The following DPP10 variants were observed in gnomAD, a reference collection of about 807,000 sequenced individuals.
The protein encoded by DPP10 is dipeptidyl peptidase like 10.
In DPP10, 33 loss-of-function variants were observed where a neutral mutation model predicts 120.9. The observed-to-expected ratio is 0.27, with a 90% CI of 0.21 to 0.37. The LOEUF is 0.37. DPP10 is among the 10% of genes least tolerant of loss of function. The probability of loss-of-function intolerance (pLI) is 1.00; values close to 1 mark genes in which losing one functional copy is unlikely to be tolerated. For missense variants in DPP10, 816 were observed against 942.8 expected (o/e 0.87, Z 1.76); for synonymous variants, 337 against 326.1 (o/e 1.03, Z -0.36).
chr2:114,964,313 A>G (rs974755007), intron 1 of DPP10, among the ~76,000 whole-genome samples: 1 of 152,148 alleles, frequency 6.6e-6, no homozygotes, highest in Non-Finnish European at 1.5e-5. Flanking sequence ...CAGACATTCA[A>G]TGCCCTAAGT....
At chr2:114,679,570 G>A (rs1298590168) in intron 1 of DPP10, among the ~76,000 whole-genome samples, 3 of 151,934 alleles carry the variant, frequency 2.0e-5, no homozygotes, top group Non-Finnish European at 2.9e-5. Flanking sequence ...AAAACCTGAT[G>A]TGGAAGAATA....
At chr2:115,149,698 G>A (rs1427832544) in intron 1 of DPP10, among the ~76,000 whole-genome samples, 1 of 152,032 alleles carries the variant, frequency 6.6e-6, no homozygotes, top group African/African-American at 2.4e-5. Context: ...TTGTCTGTTT[G>A]TTTGTTTGTT....
chr2:115,760,298 A>G (rs879547249), intron 11 of DPP10, among the ~76,000 whole-genome samples: 2 of 152,214 alleles, frequency 1.3e-5, no homozygotes, highest in African/African-American at 2.4e-5. Flanking sequence ...AGTGGTGTGG[A>G]AGAAACCTCA....
chr2:115,759,445 A>T (rs572588393), intron 11 of DPP10, among the ~76,000 whole-genome samples: 6 of 151,918 alleles, frequency 3.9e-5, no homozygotes, highest in Non-Finnish European at 8.8e-5. Flanking sequence ...TTAGCAAAAT[A>T]TAGATTAAAA....
chr2:115,002,381 T>G (rs1701501963), intron 1 of DPP10, among the ~76,000 whole-genome samples: 1 of 152,054 alleles, frequency 6.6e-6, no homozygotes, highest in African/African-American at 2.4e-5. Flanking sequence ...TCAAAATAAA[T>G]TAAAACTTAA....
intron 1 of DPP10, among the ~76,000 whole-genome samples, chr2:115,011,942 CACG>C (rs1464613732): frequency 6.6e-6 from 1 of 151,986 alleles, no homozygotes; most frequent in Non-Finnish European, 1.5e-5. Flanking sequence ...GCTGTGGGGT[CACG>C]GTGGGAGTGA....
At chr2:115,117,619 A>G (rs545735920) in intron 1 of DPP10, among the ~76,000 whole-genome samples, 1 of 152,314 alleles carries the variant, frequency 6.6e-6, no homozygotes, top group East Asian at 1.9e-4. Flanking sequence ...AAAAAGAAAA[A>G]TCAAAGTGTC....
chr2:114,908,292 C>T (rs1402075586), intron 1 of DPP10, among the ~76,000 whole-genome samples: 3 of 151,784 alleles, frequency 2.0e-5, no homozygotes, highest in Non-Finnish European at 4.4e-5. Flanking sequence ...TTATTCAATC[C>T]ATTCACATTT....
At chr2:115,648,495 C>T (rs1052916400) in intron 5 of DPP10, among the ~76,000 whole-genome samples, 5 of 151,450 alleles carry the variant, frequency 3.3e-5, no homozygotes, top group African/African-American at 7.3e-5. Context: ...AAAATGAATA[C>T]GTATTTCAAA....
rs532406250 is a variant in DPP10 at position 114,551,142 on chromosome 2, T to C, written c.60+108304T>C. Among the ~76,000 whole-genome samples the C allele has an allele frequency of 2.6e-4, 39 of 152,310 alleles. 1 individual carries two copies. Among genetic ancestry groups the C allele is most frequent in the African/African-American group, 8.7e-4 (36 of 41,554 alleles). ...TTTCTCCATCTGGACTCATGCTTGC[T>C]ATCAAGGATGATCTCCCCACTTCTA... On this transcript the variant is annotated intron_variant, in intron 1 of 25. Transcript: ENST00000410059.
chr2:114,715,716 T>A (rs10211349), intron 1 of DPP10, among the ~76,000 whole-genome samples: 17,776 of 152,034 alleles, frequency 0.12, 1,417 homozygotes, highest in African/African-American at 0.22. Context: ...ACAAAAAAGC[T>A]GGGTACACAG....
intron 2 of DPP10, among the ~76,000 whole-genome samples, chr2:115,335,737 A>C (rs979652534): frequency 1.3e-5 from 2 of 151,988 alleles, no homozygotes; most frequent in African/African-American, 4.8e-5. Context: ...ATGTTATTTC[A>C]ATCAGCTAGT....
At chr2:114,986,795 G>C (rs1284465562) in intron 1 of DPP10, among the ~76,000 whole-genome samples, 2 of 152,078 alleles carry the variant, frequency 1.3e-5, no homozygotes, top group African/African-American at 4.8e-5. Context: ...TCTCAGGATG[G>C]AGTCTCACTC....
chr2:114,898,676 T>G (rs1693269977), intron 1 of DPP10, among the ~76,000 whole-genome samples: 1 of 152,164 alleles, frequency 6.6e-6, no homozygotes, highest in South Asian at 2.1e-4. Context: ...AAAATCATAT[T>G]TTAACAATAA....
At chr2:115,242,504 CT>C (rs1374689259) in intron 1 of DPP10, among the ~76,000 whole-genome samples, 1 of 152,100 alleles carries the variant, frequency 6.6e-6, no homozygotes, top group African/African-American at 2.4e-5. Flanking sequence ...ATAATGGCTT[CT>C]TTTCCTCTGG....
rs2058610570 is a variant in DPP10, at chr2:115,248,069, G to A, written c.61-61170G>A. Among the ~76,000 whole-genome samples the A allele has an allele frequency of 3.3e-5, 5 of 152,248 alleles. No individual in the cohort carries two copies. In the South Asian group the frequency reaches 1.0e-3, roughly 32 times the overall value. ...GACTGCAGCAAAGATCCCAAAGGTG[G>A]AAATATGCCTCCCTCAAAGGTACTG... is the stretch of plus-strand genomic sequence containing the variant. On this transcript the variant is annotated intron_variant, in intron 1 of 25. Transcript: ENST00000410059.
intron 1 of DPP10, among the ~76,000 whole-genome samples, chr2:115,150,608 T>C (rs941808796): frequency 5.3e-5 from 8 of 152,252 alleles, no homozygotes; most frequent in African/African-American, 1.9e-4. Flanking sequence ...TTATGTACTC[T>C]TTCCTACTTA....
chr2:115,480,552 C>T (rs1305745706), intron 3 of DPP10, among the ~76,000 whole-genome samples: 1 of 152,084 alleles, frequency 6.6e-6, no homozygotes, highest in Non-Finnish European at 1.5e-5. Context: ...TATATCATAT[C>T]TGTATCTTTG....
chr2:115,478,452 A>G (rs1384837904), intron 3 of DPP10, among the ~76,000 whole-genome samples: 1 of 152,182 alleles, frequency 6.6e-6, no homozygotes, highest in Non-Finnish European at 1.5e-5. Flanking sequence ...ACTATAAAAC[A>G]TTTAGAAGAA....
Sources: allele counts gnomAD v4.1 joint callset (sites outside exome capture counted in the v4.1 genomes callset), GRCh38; gene constraint gnomAD v4.1.1; transcripts MANE v1.5; gene names NCBI Gene and HGNC (gene_info 2026-07-23, HGNC 2026-07-21).